KIAA0319: variants seen among roughly 807,000 people sequenced by gnomAD.
The protein encoded by KIAA0319 is dyslexia-associated protein KIAA0319.
Under a neutral mutation model 108.4 loss-of-function variants are expected in KIAA0319, and 83 were observed. That is an observed-to-expected ratio of 0.77 (90% CI 0.64 to 0.92). The LOEUF is 0.92. Ranked by LOEUF, KIAA0319 falls within the 40% of genes least tolerant of loss-of-function variation. The pLI is 0.00. For missense variants in KIAA0319, 1,195 were observed against 1,322.4 expected, an observed-to-expected ratio of 0.90 and a Z score of 1.49; for synonymous variants, 484 against 510.4, an observed-to-expected ratio of 0.95 and a Z score of 0.70.
chr6:24,583,746 T>A, intron 4 of KIAA0319, 44 bp from the exon 5 acceptor site: 1 of 1,205,876 alleles, frequency 8.3e-7, no homozygotes, highest in Non-Finnish European at 1.2e-6. Context: ...TATAATATAA[T>A]GTGTTACATT....
rs150177743 is a variant in KIAA0319 at position 24,606,600 on chromosome 6, A to C, written c.-105-5392T>G. Among the ~76,000 whole-genome samples, 1,096 of 152,320 alleles carry C rather than the reference A, an allele frequency of 7.2e-3. 8 individuals are homozygous for C. Among genetic ancestry groups the C allele is most frequent in the South Asian group, 0.038 (186 of 4,832 alleles). ...GAGAATGAGGCTCAAGGATAAGATG[A>C]AGGTGACTGTGGCAAAGATTGCCTG... On this transcript the variant is annotated intron_variant, in intron 1 of 20. Transcript: ENST00000378214.
rs534464770 is a variant in KIAA0319, at chr6:24,593,417, G to C, written c.801+2456C>G. On this transcript the variant is annotated intron_variant, in intron 3 of 20. Coordinates refer to ENST00000378214, the MANE Select transcript of KIAA0319 (RefSeq NM_014809.4). ...TTTTTTTTTTTTTTTTTTTGAGATAGAGTCTCGCCCTGTCACCCAGGCTGG... is the reference window on the plus strand; with the variant it reads ...TTTTTTTTTTTTTTTTTTTGAGATACAGTCTCGCCCTGTCACCCAGGCTGG... Among the ~76,000 whole-genome samples the C allele has an allele frequency of 1.2e-4, 13 of 112,446 alleles. No individual in the cohort carries two copies. The South Asian group carries it at 4.0e-3, about 35-fold the overall frequency. The allele number at this position is 112,446 out of a possible 152,430, so 73.8% of individuals were successfully genotyped here. A position where few individuals can be genotyped will look rare whatever the true frequency, so the allele number is the denominator to read the frequency against.
Position 24,576,525 on chromosome 6 carries a change from T to C in KIAA0319, c.1577A>G (p.Asp526Gly), listed in dbSNP as rs370110660. 63 of 1,614,154 alleles carry C rather than the reference T, an allele frequency of 3.9e-5. No homozygotes were observed. In the Middle Eastern group the frequency reaches 9.9e-4, roughly 25 times the overall value. Residue 526 changes from aspartate (D) to glycine (G), a missense_variant, in exon 10 of 21, where the codon GAC becomes GGC. Transcript: ENST00000378214. Reference sequence around the variant, plus strand: ...TCCTGCATTAGCAACTGGTGGGTAGTCCACAGCATTGTTCACTATTAGGGC... The same window carrying C: ...TCCTGCATTAGCAACTGGTGGGTAGCCCACAGCATTGTTCACTATTAGGGC... ...TAALIVNNAV[D>G]YPPVANAGPN...
intron 1 of KIAA0319, among the ~76,000 whole-genome samples, chr6:24,638,726 C>T (rs918517195): frequency 3.3e-5 from 5 of 150,562 alleles, no homozygotes; most frequent in African/African-American, 4.9e-5. Flanking sequence ...CGCCACGGCA[C>T]TCCAGCCTGG....
At chr6:24,555,698 A>C in intron 18 of KIAA0319, among the ~76,000 whole-genome samples, 1 of 152,170 alleles carries the variant, frequency 6.6e-6, no homozygotes. Flanking sequence ...GTAGACTGCC[A>C]TTAAAATATA....
At chr6:24,614,775 G>A (rs1286941222) in intron 1 of KIAA0319, among the ~76,000 whole-genome samples, 3 of 151,994 alleles carry the variant, frequency 2.0e-5, no homozygotes, top group Non-Finnish European at 4.4e-5. Flanking sequence ...ATTTATTATA[G>A]AGAATCCAAG....
chr6:24,586,261 C>T (rs1402170415), intron 4 of KIAA0319, among the ~76,000 whole-genome samples: 1 of 152,134 alleles, frequency 6.6e-6, no homozygotes, highest in Non-Finnish European at 1.5e-5. Flanking sequence ...CTAGAATATG[C>T]CATTGCAACT....
chr6:24,566,663 C>T lies in KIAA0319; in HGVS notation c.2226G>A (p.Arg742=), dbSNP rs1763943228. Residue 742 remains arginine, a synonymous_variant, in exon 14 of 21, where the codon AGG becomes AGA. Coordinates refer to ENST00000378214, the MANE Select transcript of KIAA0319 (RefSeq NM_014809.4). ...PNNSITLDGS[R]STDDQRIVSY... ...ACACAATTCTTTGGTCATCAGTAGA[C>T]CTTGAACCATCCAAAGTAATGGAAT... 2.5e-6 allele frequency: 4 copies of T among 1,613,706 alleles called. No homozygotes were observed. The highest frequency in any genetic ancestry group is 2.7e-5 in the African/African-American group (2 of 75,030).
At chr6:24,583,502 C>A in intron 5 of KIAA0319, 102 bp downstream of exon 5, 1 of 790,280 alleles carries the variant, frequency 1.3e-6, no homozygotes, top group South Asian at 1.6e-5. Context: ...TGACGTCGTG[C>A]AATACTGTGA....
At chr6:24,619,645 T>C (rs1237866160) in intron 1 of KIAA0319, among the ~76,000 whole-genome samples, 1 of 150,874 alleles carries the variant, frequency 6.6e-6, no homozygotes, top group African/African-American at 2.4e-5. Flanking sequence ...TGAGTGACAA[T>C]GGAAAAGGAA....
intron 1 of KIAA0319, among the ~76,000 whole-genome samples, chr6:24,609,388 C>T (rs1443648224): frequency 1.3e-5 from 2 of 151,202 alleles, no homozygotes; most frequent in Non-Finnish European, 2.9e-5. Flanking sequence ...ACCATCCTGG[C>T]CAACATGATG....
intron 1 of KIAA0319, among the ~76,000 whole-genome samples, chr6:24,621,281 T>C (rs1489438932): frequency 6.6e-6 from 1 of 152,238 alleles, no homozygotes; most frequent in Non-Finnish European, 1.5e-5. Context: ...GAGTATCTTA[T>C]GGTTCTCTAC....
chr6:24,631,340 G>A (rs1440431444), intron 1 of KIAA0319, among the ~76,000 whole-genome samples: 1 of 152,180 alleles, frequency 6.6e-6, no homozygotes, highest in African/African-American at 2.4e-5. Flanking sequence ...TGCTAGAAAG[G>A]AAGGAGGGGA....
chr6:24,627,023 A>G (rs1774811984), intron 1 of KIAA0319, among the ~76,000 whole-genome samples: 2 of 152,230 alleles, frequency 1.3e-5, no homozygotes, highest in African/African-American at 4.8e-5. Context: ...AGCACTTCAC[A>G]AAGACATTAG....
intron 1 of KIAA0319, among the ~76,000 whole-genome samples, chr6:24,644,140 C>T (rs183829508): frequency 2.0e-5 from 3 of 152,308 alleles, no homozygotes; most frequent in African/African-American, 7.2e-5. Flanking sequence ...CTTCGGTTTC[C>T]TTCACATCCC....
At chr6:24,604,715 T>C (rs1423380391) in intron 1 of KIAA0319, among the ~76,000 whole-genome samples, 1 of 152,216 alleles carries the variant, frequency 6.6e-6, no homozygotes, top group African/African-American at 2.4e-5. Context: ...GTTCTTTCTT[T>C]GGGGGTACTT....
At chr6:24,604,577 TG>T (rs1771132727) in intron 1 of KIAA0319, among the ~76,000 whole-genome samples, 1 of 152,244 alleles carries the variant, frequency 6.6e-6, no homozygotes, top group African/African-American at 2.4e-5. Context: ...TGAATGCCTT[TG>T]GTTGTGCAAG....
chr6:24,629,239 A>C (rs9358775), intron 1 of KIAA0319, among the ~76,000 whole-genome samples: 101 of 151,854 alleles, frequency 6.7e-4, no homozygotes, highest in African/African-American at 2.1e-3. Flanking sequence ...ATGACAGTCC[A>C]GCGTGGTGGC....
At chr6:24,581,306 T>C (rs1766505287) in intron 6 of KIAA0319, among the ~76,000 whole-genome samples, 1 of 152,102 alleles carries the variant, frequency 6.6e-6, no homozygotes, top group Non-Finnish European at 1.5e-5. Flanking sequence ...TATGGAACCA[T>C]GCATTTTTAC....
Sources: allele counts gnomAD v4.1 joint callset (sites outside exome capture counted in the v4.1 genomes callset), GRCh38; gene constraint gnomAD v4.1.1; transcripts MANE v1.5; gene names NCBI Gene and HGNC (gene_info 2026-07-23, HGNC 2026-07-21).